Variants in TDP1 observed in about 807,000 individuals in gnomAD.
TDP1 encodes the protein tyrosyl-DNA phosphodiesterase 1, also known as tyr-DNA phosphodiesterase 1.
A neutral mutation model predicts 81.5 loss-of-function variants in TDP1; 64 were observed. That is an observed-to-expected ratio of 0.79 (90% CI 0.64 to 0.97). The LOEUF (loss-of-function observed/expected upper bound fraction) is 0.97, where lower values mean the gene tolerates loss of function less well. Among genes scored for constraint, TDP1 ranks in the 50% least tolerant of loss-of-function variants. The probability of loss-of-function intolerance (pLI) is 0.00; values close to 1 mark genes in which losing one functional copy is unlikely to be tolerated. For missense variants in TDP1, 723 were observed against 743.8 expected (o/e 0.97, Z 0.33); for synonymous variants, 256 against 264.3 (o/e 0.97, Z 0.30).
intron 3 of TDP1, among the ~76,000 whole-genome samples, chr14:89,964,364 C>G (rs1892688981): frequency 6.6e-6 from 1 of 152,206 alleles, no homozygotes; most frequent in South Asian, 2.1e-4. Context: ...CACTCATTTG[C>G]TGTATGGATT....
intron 15 of TDP1, among the ~76,000 whole-genome samples, chr14:90,030,626 A>C (rs1190399464): frequency 6.6e-6 from 1 of 152,234 alleles, no homozygotes; most frequent in Non-Finnish European, 1.5e-5. Context: ...TTATGCAGAA[A>C]CTTATAAAGG....
chr14:90,021,194 C>G (rs1284431860), intron 15 of TDP1, among the ~76,000 whole-genome samples: 1 of 152,162 alleles, frequency 6.6e-6, no homozygotes, highest in Non-Finnish European at 1.5e-5. Context: ...CTCCCTTTCT[C>G]TCTCCTCTTC....
At chr14:90,023,222 G>A in intron 15 of TDP1, 1 of 655,926 alleles carries the variant, frequency 1.5e-6, no homozygotes, top group Non-Finnish European at 2.8e-6. Flanking sequence ...CTTTGTTAAG[G>A]AGGTGGCATT....
chr14:90,035,645 T>A (rs1322599914), intron 16 of TDP1, among the ~76,000 whole-genome samples: 5 of 152,104 alleles, frequency 3.3e-5, no homozygotes, highest in African/African-American at 1.2e-4. Flanking sequence ...TAACTGAGAT[T>A]ATCTATAAAG....
chr14:89,993,690 C>G (rs1896418464), intron 14 of TDP1, among the ~76,000 whole-genome samples: 1 of 152,110 alleles, frequency 6.6e-6, no homozygotes. Context: ...GCTTATAAGT[C>G]TAGATGTTTA....
chr14:89,992,876 A>G lies in TDP1; in HGVS notation c.1434-500A>G, dbSNP rs35180153. The G allele has an allele frequency of 1.4e-3, 1,339 of 962,788 alleles. 11 individuals are homozygous for G. The African/African-American group carries it at 0.022, about 16-fold the overall frequency. 59.6% of individuals were successfully genotyped at this position (962,788 alleles called of 1,614,324 possible). On this transcript the variant is annotated intron_variant, in intron 13 of 16. Transcript: ENST00000335725. ...TTGGAAACTTAGAAACCAAACTCAG[A>G]TTTGTGAATGTCAGCATTTGACTAA...
chr14:89,962,013 A>G (rs1371091069), intron 2 of TDP1, among the ~76,000 whole-genome samples: 1 of 152,168 alleles, frequency 6.6e-6, no homozygotes, highest in African/African-American at 2.4e-5. Context: ...ATAGTCCTTT[A>G]CCACTGAATT....
At position 89,980,958 on chromosome 14, in the gene TDP1, G is replaced by C. The variant is rs57797387; in HGVS notation, c.884+326G>C. Among the ~76,000 whole-genome samples, 906 of 152,294 alleles carry C rather than the reference G, an allele frequency of 5.9e-3. 5 individuals carry two copies. The highest frequency in any genetic ancestry group is 0.021 in the African/African-American group (869 of 41,556). On this transcript the variant is annotated intron_variant, in intron 8 of 16. Transcript: ENST00000335725. ...ATCATATACACTCTACAGCTAAGTAGAGGGCACAGCACATGCAGAGATCTG... is the reference window on the plus strand; with the variant it reads ...ATCATATACACTCTACAGCTAAGTACAGGGCACAGCACATGCAGAGATCTG...
At chr14:89,999,870 A>G (rs1897039280) in intron 14 of TDP1, among the ~76,000 whole-genome samples, 1 of 152,248 alleles carries the variant, frequency 6.6e-6, no homozygotes, top group African/African-American at 2.4e-5. Flanking sequence ...CCAGCCTTGC[A>G]TTAGTTTTCT....
At chr14:90,008,695 T>C (rs1472154897) in intron 14 of TDP1, among the ~76,000 whole-genome samples, 1 of 152,230 alleles carries the variant, frequency 6.6e-6, no homozygotes, top group Non-Finnish European at 1.5e-5. Flanking sequence ...ATTTCTTTTG[T>C]ATGTTGTTTA....
intron 15 of TDP1, among the ~76,000 whole-genome samples, chr14:90,020,164 G>A (rs1417011824): frequency 6.6e-6 from 1 of 152,114 alleles, no homozygotes; most frequent in African/African-American, 2.4e-5. Flanking sequence ...ATAGGGGCTG[G>A]GGTGTACAAG....
chr14:89,960,290 CG>C (rs1354222354), intron 2 of TDP1, among the ~76,000 whole-genome samples: 9 of 151,662 alleles, frequency 5.9e-5, no homozygotes, highest in African/African-American at 2.2e-4. Flanking sequence ...TTTTTCAAAC[CG>C]GAAGGATTAA....
At chr14:90,001,868 G>T (rs544226787) in intron 14 of TDP1, among the ~76,000 whole-genome samples, 2 of 150,690 alleles carry the variant, frequency 1.3e-5, no homozygotes, top group East Asian at 1.9e-4. Context: ...TTAATTTTTT[G>T]AATATCTTCT....
chr14:89,958,029 G>A (rs928575482), intron 2 of TDP1, among the ~76,000 whole-genome samples: 1 of 152,180 alleles, frequency 6.6e-6, no homozygotes, highest in Non-Finnish European at 1.5e-5. Context: ...CTGGAGGCCC[G>A]GCTGGCTGTT....
At chr14:89,992,550 A>G (rs765542390) in intron 13 of TDP1, among the ~76,000 whole-genome samples, 25 of 152,234 alleles carry the variant, frequency 1.6e-4, no homozygotes, top group Non-Finnish European at 3.1e-4. Context: ...CTGGTTAGCC[A>G]GAAATGAAAG....
rs35782158 is a variant in TDP1 at position 89,966,082 on chromosome 14, G to A, written c.560-65G>A. ...TTGTCAGTGACTGTTGAATGAGTTA[G>A]TAGTGATTATTATGACTAGAGGATT... On this transcript the variant is annotated intron_variant, in intron 3 of 16. Coordinates refer to ENST00000335725, the MANE Select transcript of TDP1 (RefSeq NM_018319.4). The A allele has an allele frequency of 0.038, 42,552 of 1,108,650 alleles. 3,443 individuals are homozygous for A. Among genetic ancestry groups the A allele is most frequent in the African/African-American group, 0.3 (19,724 of 65,238 alleles). 68.7% of individuals were successfully genotyped at this position (1,108,650 alleles called of 1,614,324 possible).
chr14:90,009,077 G>A (rs1214998378), intron 14 of TDP1, among the ~76,000 whole-genome samples: 3 of 152,160 alleles, frequency 2.0e-5, no homozygotes, highest in Non-Finnish European at 4.4e-5. Flanking sequence ...GTTCCTGGAG[G>A]TCTAATTATA....
chr14:90,022,028 A>G (rs1385110402), intron 15 of TDP1, among the ~76,000 whole-genome samples: 2 of 152,202 alleles, frequency 1.3e-5, no homozygotes, highest in African/African-American at 4.8e-5. Flanking sequence ...TGACTTGGGC[A>G]GAGTGCTCTA....
intron 10 of TDP1, among the ~76,000 whole-genome samples, chr14:89,987,626 G>T (rs1895712887): frequency 6.6e-6 from 1 of 152,048 alleles, no homozygotes; most frequent in South Asian, 2.1e-4. Flanking sequence ...TGTAAAGATG[G>T]CTGAAACTCT....
Sources: allele counts gnomAD v4.1 joint callset (sites outside exome capture counted in the v4.1 genomes callset), GRCh38; gene constraint gnomAD v4.1.1; transcripts MANE v1.5; gene names NCBI Gene and HGNC (gene_info 2026-07-23, HGNC 2026-07-21).